Variants in TRIP11 observed in about 807,000 individuals in gnomAD.
The protein encoded by TRIP11 is thyroid receptor-interacting protein 11.
TRIP11 carries 148 observed loss-of-function variants against 223.1 expected under a neutral mutation model. The observed-to-expected ratio is 0.66, with a 90% confidence interval of 0.58 to 0.76. The LOEUF is 0.76. TRIP11 is among the 30% of genes least tolerant of loss of function. The pLI, the probability that TRIP11 is intolerant of heterozygous loss-of-function variation, is 0.00. For missense variants in TRIP11, 2,043 were observed against 2,222.0 expected, an observed-to-expected ratio of 0.92 and a Z score of 1.62; for synonymous variants, 762 against 772.6, an observed-to-expected ratio of 0.99 and a Z score of 0.23.
intron 2 of TRIP11, chr14:92,030,890 C>G (rs1426706249): frequency 1.4e-5 from 2 of 140,480 alleles, no homozygotes. Flanking sequence ...GCAAAGATGA[C>G]AGCCATCATC....
At chr14:92,036,438 T>C (rs1435658580) in intron 1 of TRIP11, among the ~76,000 whole-genome samples, 2 of 152,164 alleles carry the variant, frequency 1.3e-5, no homozygotes, top group African/African-American at 4.8e-5. Flanking sequence ...CTATTCAACA[T>C]ATAAGGAAAC....
rs1341017522 is a variant in TRIP11, at chr14:91,998,092, T to C, written c.4892+1148A>G. ...GGGTAGGGGTTAATTCGCAGGAATA[T>C]TGTCTCTACTAGCCTATAATTTATT... On this transcript the variant is annotated intron_variant, in intron 13 of 20. Transcript: ENST00000267622. 2.6e-5 allele frequency among the ~76,000 whole-genome samples: 4 copies of C among 152,166 alleles called. No individual in the cohort carries two copies. The East Asian group carries it at 7.7e-4, about 29-fold the overall frequency.
chr14:91,997,693 A>G (rs1247363226), intron 13 of TRIP11, among the ~76,000 whole-genome samples: 1 of 152,116 alleles, frequency 6.6e-6, no homozygotes, highest in Admixed American at 6.5e-5. Flanking sequence ...AGTGGCTCTG[A>G]GAAAGTGAGT....
At chr14:92,015,896 A>C (rs774404293) in intron 5 of TRIP11, 35 bp from the exon 6 acceptor site, 46 of 1,537,614 alleles carry the variant, frequency 3.0e-5, no homozygotes, top group Non-Finnish European at 4.0e-5. Flanking sequence ...TCACATTTAT[A>C]ATCAATAAAT....
chr14:92,003,788 C>T lies in TRIP11; in HGVS notation c.4188G>A (p.Lys1396=). ...KEHEQTDSEI[K]QLKEKQDVLQ... is the part of the protein sequence containing the mutation. ...AAACATCTTGTTTCTCCTTTAGCTG[C>T]TTGATTTCTGAATCGGTTTGTTCGT... Residue 1396 remains lysine, a synonymous_variant, in exon 11 of 21, where the codon AAG becomes AAA. Transcript: ENST00000267622. 6.2e-7 allele frequency: 1 copy of T among 1,614,142 alleles called. No individual in the cohort carries two copies. The highest frequency in any genetic ancestry group is 1.1e-5 in the South Asian group (1 of 91,088).
At chr14:91,972,562 C>A (rs551682064) in intron 20 of TRIP11, among the ~76,000 whole-genome samples, 155 bp downstream of exon 20, 2 of 148,266 alleles carry the variant, frequency 1.3e-5, no homozygotes, top group African/African-American at 5.3e-5. Context: ...AGCCTGATGC[C>A]TTATTGGAAA....
At chr14:91,984,317 C>CTTTTT (rs138601782) in intron 16 of TRIP11, among the ~76,000 whole-genome samples, 4 of 127,916 alleles carry the variant, frequency 3.1e-5, no homozygotes, top group African/African-American at 6.0e-5. Context: ...TTTTTCTTTT[C>CTTTTT]TTTTTTTTTT....
At chr14:92,012,624 T>C (rs2140127515) in intron 7 of TRIP11, among the ~76,000 whole-genome samples, 1 of 151,776 alleles carries the variant, frequency 6.6e-6, no homozygotes, top group African/African-American at 2.4e-5. Context: ...ATACTGAGAG[T>C]CGGCTAAAAG....
chr14:91,982,300 ATAT>A (rs2056554872), intron 16 of TRIP11, among the ~76,000 whole-genome samples: 1 of 152,214 alleles, frequency 6.6e-6, no homozygotes, highest in Admixed American at 6.5e-5. Context: ...AAAAGAGTAA[ATAT>A]TATGAGTGGT....
chr14:92,034,348 G>C (rs1447600332), intron 1 of TRIP11, among the ~76,000 whole-genome samples: 2 of 151,850 alleles, frequency 1.3e-5, no homozygotes, highest in Non-Finnish European at 2.9e-5. Context: ...GCTTGAACCT[G>C]GGAGGTGGAG....
chr14:92,028,727 G>A (rs1301978289), intron 2 of TRIP11, among the ~76,000 whole-genome samples: 1 of 152,048 alleles, frequency 6.6e-6, no homozygotes, highest in Middle Eastern at 3.2e-3. Flanking sequence ...GAAGAAAAGA[G>A]AGTACAAATG....
Position 91,972,827 on chromosome 14 carries a change from G to C in TRIP11, c.5609C>G (p.Thr1870Arg). The change falls in exon 20 of 21, where the codon ACA becomes AGA. Residue 1870 changes from threonine (T) to arginine (R), a missense_variant. Transcript: ENST00000267622. Reference sequence around the variant, plus strand: ...TGGTGGAATGGATGGATGAGATTCTGTTTCTAGAAATTTAACAAAAAGTTC... The same window carrying C: ...TGGTGGAATGGATGGATGAGATTCTCTTTCTAGAAATTTAACAAAAAGTTC... ...FSELFVKFLE[T>R]ESHPSIPPPK... is the part of the protein sequence containing the mutation. The C allele has an allele frequency of 1.2e-6, 2 of 1,612,680 alleles. No individual in the cohort carries two copies. The highest frequency in any genetic ancestry group is 1.7e-6 in the Non-Finnish European group (2 of 1,179,416).
At position 91,968,995 on chromosome 14, in the gene TRIP11, C is replaced by G; in HGVS notation, c.*678G>C. 4.5e-6 allele frequency: 1 copy of G among 223,674 alleles called. No individual in the cohort carries two copies. The highest frequency in any genetic ancestry group is 6.5e-5 in the East Asian group (1 of 15,380). 13.9% of individuals were successfully genotyped at this position (223,674 alleles called of 1,614,324 possible). ...AGGCGCAGTGGCTCATGCCTTAATC[C>G]CAGCACTTTGGGAGGCTGAGGTGGG... On this transcript the variant is annotated 3_prime_UTR_variant, in exon 21 of 21. Transcript: ENST00000267622.
chr14:92,023,888 T>C (rs1265542180), intron 3 of TRIP11, among the ~76,000 whole-genome samples: 2 of 151,066 alleles, frequency 1.3e-5, no homozygotes, highest in Non-Finnish European at 2.9e-5. Flanking sequence ...CGGAGTCTCG[T>C]TCTGTGACCC....
chr14:92,022,241 T>C (rs2140138053), intron 3 of TRIP11, among the ~76,000 whole-genome samples: 1 of 152,350 alleles, frequency 6.6e-6, no homozygotes. Context: ...TATCTCCTGT[T>C]ACAAGGGTGT....
In TRIP11 at chr14:92,010,989, T is replaced by C; in HGVS notation, c.1311A>G (p.Glu437=). ...CCCCCATTTTTACAGCACCCACCTT[T>C]TCTTGACTCAGTAATGACTTCTCTT... ...LEKEKSLLSQ[E]KEELQMSLLK... The change falls in exon 9 of 21, where the codon GAA becomes GAG. Residue 437 remains glutamate (E), a synonymous_variant. Coordinates refer to ENST00000267622, the MANE Select transcript of TRIP11 (RefSeq NM_004239.4). The C allele has an allele frequency of 6.2e-7, 1 of 1,613,988 alleles. No individual in the cohort carries two copies. Among genetic ancestry groups the C allele is most frequent in the Non-Finnish European group, 8.5e-7 (1 of 1,179,942 alleles).
intron 16 of TRIP11, among the ~76,000 whole-genome samples, chr14:91,982,989 C>T (rs1232886646): frequency 1.3e-5 from 2 of 152,140 alleles, no homozygotes; most frequent in Non-Finnish European, 2.9e-5. Flanking sequence ...AGCCAGTTTC[C>T]AGATTATGAC....
intron 2 of TRIP11, among the ~76,000 whole-genome samples, chr14:92,029,405 C>T (rs770662231): frequency 1.3e-5 from 2 of 149,054 alleles, no homozygotes; most frequent in Non-Finnish European, 3.0e-5. Context: ...AAGCAATTCT[C>T]CTGCCTCAGC....
Position 92,014,240 on chromosome 14 carries a change from C to A in TRIP11, c.1161G>T (p.Val387=). Residue 387 remains valine, a synonymous_variant, in exon 7 of 21, where the codon GTG becomes GTT. Coordinates refer to ENST00000267622, the MANE Select transcript of TRIP11 (RefSeq NM_004239.4). ...ILAQSASVEE[V]FRLQQALSDA... ...CAGACAGTGCTTGTTGTAGTCTGAA[C>A]ACTTCTTCCACTGATGCACTCTGGG... is the stretch of plus-strand genomic sequence containing the variant. The A allele has an allele frequency of 1.2e-6, 2 of 1,614,020 alleles. No homozygotes were observed. The highest frequency in any genetic ancestry group is 1.7e-6 in the Non-Finnish European group (2 of 1,179,978).
Sources: allele counts gnomAD v4.1 joint callset (sites outside exome capture counted in the v4.1 genomes callset), GRCh38; gene constraint gnomAD v4.1.1; transcripts MANE v1.5; gene names NCBI Gene and HGNC (gene_info 2026-07-23, HGNC 2026-07-21).